The following FHIT variants were observed in gnomAD, a reference collection of about 807,000 sequenced individuals.
FHIT encodes the protein fragile histidine triad diadenosine triphosphatase.
A neutral mutation model predicts 17.9 loss-of-function variants in FHIT; 19 were observed. The ratio of observed to expected loss-of-function variants is 1.06; its 90% CI spans 0.74 to 1.56. FHIT has a LOEUF of 1.56. Among genes scored for constraint, FHIT ranks in the 40% most tolerant of loss-of-function variants. The pLI is 0.00. For synonymous variants in FHIT, 81 were observed against 69.7 expected (o/e 1.16, Z -0.81); for missense variants, 248 against 189.2 (o/e 1.31, Z -1.82).
At chr3:60,158,860 A>C (rs4679642) in intron 5 of FHIT, among the ~76,000 whole-genome samples, 118,259 of 151,720 alleles carry the variant, frequency 0.78, 46,792 homozygotes, top group African/African-American at 0.86. Flanking sequence ...AATCACCCAA[A>C]TGAACTCCAA....
chr3:60,529,163 G>A (rs930107437), intron 5 of FHIT, among the ~76,000 whole-genome samples: 1 of 152,098 alleles, frequency 6.6e-6, no homozygotes, highest in African/African-American at 2.4e-5. Context: ...CAAATTTATG[G>A]TTATTTTTTC....
rs1016874869 is a variant in FHIT at position 60,352,749 on chromosome 3, G to A, written c.103+184111C>T. On this transcript the variant is annotated intron_variant, in intron 5 of 9. Coordinates refer to ENST00000492590, the MANE Select transcript of FHIT (RefSeq NM_002012.4). ...GCTGATCTCAAACTCCTAGCTTCAA[G>A]TGATCCTCCCAACCTCAGCCTCACA... is the stretch of plus-strand genomic sequence containing the variant. Among the ~76,000 whole-genome samples, 74 of 152,114 alleles carry A rather than the reference G, an allele frequency of 4.9e-4. 1 individual carries two copies. Among genetic ancestry groups the A allele is most frequent in the African/African-American group, 1.8e-3 (74 of 41,422 alleles).
Position 61,171,792 on chromosome 3 carries a change from A to G in FHIT, c.-164+28825T>C, listed in dbSNP as rs2038011583. ...ATCACCTGGCACTTGTTATAAATGCAGACCCTCAGGCCCCACCTGCTGAAT... is the reference window on the plus strand; with the variant it reads ...ATCACCTGGCACTTGTTATAAATGCGGACCCTCAGGCCCCACCTGCTGAAT... On this transcript the variant is annotated intron_variant, in intron 2 of 9. Coordinates refer to ENST00000492590, the MANE Select transcript of FHIT (RefSeq NM_002012.4). 5.9e-5 allele frequency among the ~76,000 whole-genome samples: 9 copies of G among 152,352 alleles called. No homozygotes were observed. In the South Asian group the frequency reaches 1.9e-3, roughly 32 times the overall value.
chr3:60,522,106 GTTTT>G (rs372184170), intron 5 of FHIT, among the ~76,000 whole-genome samples: 1 of 133,324 alleles, frequency 7.5e-6, no homozygotes, highest in African/African-American at 2.8e-5. Flanking sequence ...GCAACCAGAA[GTTTT>G]TTTTTTTTTT....
chr3:60,732,897 C>A (rs1410881556), intron 4 of FHIT, among the ~76,000 whole-genome samples: 2 of 151,852 alleles, frequency 1.3e-5, no homozygotes, highest in Non-Finnish European at 2.9e-5. Context: ...GCCATGTTGG[C>A]CAGGTCTCAA....
chr3:60,216,064 T>C (rs1467893530), intron 5 of FHIT, among the ~76,000 whole-genome samples: 1 of 152,184 alleles, frequency 6.6e-6, no homozygotes, highest in East Asian at 1.9e-4. Context: ...AAAGTATTTT[T>C]CACTCTGGTC....
chr3:60,854,652 A>T (rs977563230), intron 3 of FHIT, among the ~76,000 whole-genome samples: 10 of 149,294 alleles, frequency 6.7e-5, no homozygotes, highest in Non-Finnish European at 1.0e-4. Context: ...CATTCTCCCT[A>T]GGCAAGAAGA....
At chr3:61,000,065 A>C (rs1317771255) in intron 3 of FHIT, among the ~76,000 whole-genome samples, 1 of 152,104 alleles carries the variant, frequency 6.6e-6, no homozygotes, top group Non-Finnish European at 1.5e-5. Flanking sequence ...TCAACATAGA[A>C]ATGTTGGGGG....
rs914951824 is a variant in FHIT at position 60,045,415 on chromosome 3, A to G, written c.104-31263T>C. 7.3e-5 allele frequency among the ~76,000 whole-genome samples: 11 copies of G among 150,628 alleles called. No individual in the cohort carries two copies. In the South Asian group the frequency reaches 8.5e-4, roughly 12 times the overall value. Reference sequence around the variant, plus strand: ...GCAAAGAGAGAGTTTGTGCAGGGAAACTCCCCCTTACAAAACCATCAGATC... The same window carrying G: ...GCAAAGAGAGAGTTTGTGCAGGGAAGCTCCCCCTTACAAAACCATCAGATC... On this transcript the variant is annotated intron_variant, in intron 5 of 9. Coordinates refer to ENST00000492590, the MANE Select transcript of FHIT (RefSeq NM_002012.4).
At chr3:60,927,089 C>T (rs190689076) in intron 3 of FHIT, among the ~76,000 whole-genome samples, 6 of 152,328 alleles carry the variant, frequency 3.9e-5, no homozygotes, top group Admixed American at 6.5e-5. Context: ...CGGCTCACTG[C>T]AACCTCCCTG....
chr3:60,711,336 A>C (rs189665430), intron 4 of FHIT, among the ~76,000 whole-genome samples: 9,870 of 152,218 alleles, frequency 0.065, 523 homozygotes, highest in African/African-American at 0.14. Flanking sequence ...AAACAAGAGC[A>C]AAAAAACTGG....
intron 5 of FHIT, among the ~76,000 whole-genome samples, chr3:60,307,139 G>T (rs1213147969): frequency 3.3e-5 from 5 of 152,096 alleles, no homozygotes; most frequent in Non-Finnish European, 1.5e-5. Flanking sequence ...ATGCAGACAC[G>T]CTGACTGCAA....
chr3:60,160,364 C>T (rs1244851616), intron 5 of FHIT, among the ~76,000 whole-genome samples: 1 of 152,170 alleles, frequency 6.6e-6, no homozygotes, highest in East Asian at 1.9e-4. Flanking sequence ...GTCATAAGGC[C>T]AGGACTTCCT....
intron 3 of FHIT, among the ~76,000 whole-genome samples, chr3:60,979,499 A>G (rs530534145): frequency 7.9e-5 from 12 of 152,150 alleles, no homozygotes; most frequent in Non-Finnish European, 1.5e-4. Context: ...ATAGAAGAAA[A>G]TTGTGAAGTA....
intron 3 of FHIT, among the ~76,000 whole-genome samples, chr3:61,040,543 ATACTC>A (rs1357871748): frequency 6.6e-6 from 1 of 152,226 alleles, no homozygotes; most frequent in Non-Finnish European, 1.5e-5. Context: ...GTTTTTTAAA[ATACTC>A]TAATGTTAAT....
At chr3:60,223,532 T>G (rs2107537908) in intron 5 of FHIT, among the ~76,000 whole-genome samples, 1 of 152,290 alleles carries the variant, frequency 6.6e-6, no homozygotes, top group Non-Finnish European at 1.5e-5. Flanking sequence ...CACACCCACC[T>G]TCCCTTCAAT....
chr3:59,854,223 C>T (rs1336636828), intron 8 of FHIT, among the ~76,000 whole-genome samples: 1 of 152,212 alleles, frequency 6.6e-6, no homozygotes. Context: ...TCAATCTCTG[C>T]TCTTCAACGC....
intron 3 of FHIT, among the ~76,000 whole-genome samples, chr3:60,861,170 GTTCTATGA>G (rs1559781444): frequency 3.9e-3 from 2 of 508 alleles, no homozygotes; most frequent in East Asian, 0.12. Flanking sequence ...TATATCATAT[GTTCTATGA>G]TATATATGAT....
chr3:60,976,393 C>T (rs1438818768), intron 3 of FHIT, among the ~76,000 whole-genome samples: 2 of 152,004 alleles, frequency 1.3e-5, no homozygotes, highest in East Asian at 3.9e-4. Context: ...AGGCGTGAGC[C>T]ACCACACCCG....
Sources: allele counts gnomAD v4.1 joint callset (sites outside exome capture counted in the v4.1 genomes callset), GRCh38; gene constraint gnomAD v4.1.1; transcripts MANE v1.5; gene names NCBI Gene and HGNC (gene_info 2026-07-23, HGNC 2026-07-21).